ADCY7: variants seen among roughly 807,000 people sequenced by gnomAD.
ADCY7 encodes adenylate cyclase type 7.
In ADCY7, 72 loss-of-function variants were observed where a neutral mutation model predicts 120.6. The observed-to-expected ratio is 0.60, with a 90% CI of 0.49 to 0.73. The LOEUF (loss-of-function observed/expected upper bound fraction) is 0.73. Ranked by LOEUF, ADCY7 falls within the 30% of genes least tolerant of loss-of-function variation. The probability of loss-of-function intolerance (pLI) is 0.00; values close to 1 mark genes in which losing one functional copy is unlikely to be tolerated. For missense variants in ADCY7, 1,227 were observed against 1,486.0 expected, an observed-to-expected ratio of 0.83 and a Z score of 2.87; for synonymous variants, 661 against 628.0, an observed-to-expected ratio of 1.05 and a Z score of -0.78.
At chr16:50,245,158 A>G (rs182972800), upstream of ADCY7, among the ~76,000 whole-genome samples, 7 of 152,332 alleles carry the variant, frequency 4.6e-5, no homozygotes, top group East Asian at 1.4e-3. Flanking sequence ...ATAGGTTCCC[A>G]GTAGATCAGC....
intron 1 of ADCY7, among the ~76,000 whole-genome samples, chr16:50,252,009 C>G (rs2032772405): frequency 6.6e-6 from 1 of 152,254 alleles, no homozygotes; most frequent in African/African-American, 2.4e-5. Context: ...TCTCCTGTCA[C>G]AGTCCCAGGC....
upstream of ADCY7, among the ~76,000 whole-genome samples, chr16:50,245,953 C>G (rs1423907979): frequency 5.1e-3 from 34 of 6,732 alleles, no homozygotes; most frequent in African/African-American, 9.1e-3. Flanking sequence ...TCTAGGGGAG[C>G]TGGGGTGGGG....
In ADCY7 at chr16:50,317,635, A is replaced by G. The variant is rs12918980; in HGVS notation, c.*2130A>G. ...CTCAGATAATAATAGTTTGTAAGTA[A>G]AAGTTTTTAGTTTTCAGTGTTCAGG... On this transcript the variant is annotated 3_prime_UTR_variant, in exon 26 of 26. Transcript: ENST00000673801. 0.041 allele frequency: 6,230 copies of G among 152,468 alleles called. 207 individuals are homozygous for G. Among genetic ancestry groups the G allele is most frequent in the South Asian group, 0.1 (496 of 4,826 alleles). The allele number at this position is 152,468 out of a possible 1,614,324, so 9.4% of individuals were successfully genotyped here. A position where few individuals can be genotyped will look rare whatever the true frequency, so the allele number is the denominator to read the frequency against.
At chr16:50,298,603 G>T (rs2035509217) in intron 7 of ADCY7, among the ~76,000 whole-genome samples, 1 of 152,192 alleles carries the variant, frequency 6.6e-6, no homozygotes, top group Non-Finnish European at 1.5e-5. Context: ...CCTGGGGCCG[G>T]GTACTCAGTA....
chr16:50,309,969 G>A (rs2036343490), intron 18 of ADCY7, among the ~76,000 whole-genome samples: 2 of 152,176 alleles, frequency 1.3e-5, no homozygotes, highest in South Asian at 2.1e-4. Flanking sequence ...TTTTATACAC[G>A]AGTATGCACA....
intron 1 of ADCY7, among the ~76,000 whole-genome samples, chr16:50,249,267 C>G (rs950165476): frequency 3.3e-5 from 5 of 152,160 alleles, no homozygotes; most frequent in East Asian, 1.9e-4. Context: ...TGATGAAACC[C>G]CGTCTCTACT....
At chr16:50,250,112 A>G (rs1358192419) in intron 1 of ADCY7, among the ~76,000 whole-genome samples, 1 of 152,144 alleles carries the variant, frequency 6.6e-6, no homozygotes, top group Non-Finnish European at 1.5e-5. Flanking sequence ...GCTTATCTCA[A>G]AGGCCAAGGA....
intron 2 of ADCY7, 47 bp from the exon 3 acceptor site, chr16:50,290,410 C>G: frequency 6.2e-7 from 1 of 1,608,142 alleles, no homozygotes; most frequent in South Asian, 1.1e-5. Flanking sequence ...GGAGGTGGCT[C>G]TGCACTGGGG....
chr16:50,292,960 C>G, intron 5 of ADCY7, 135 bp downstream of exon 5: 1 of 1,176,938 alleles, frequency 8.5e-7, no homozygotes, highest in South Asian at 1.4e-5. Context: ...TCGGTGAGTC[C>G]TGGGCTCCAG....
chr16:50,246,432 A>ACCG (rs2032589569), intron 1 of ADCY7, among the ~76,000 whole-genome samples: 1 of 151,754 alleles, frequency 6.6e-6, no homozygotes, highest in Non-Finnish European at 1.5e-5. Flanking sequence ...CTCCTCCCTT[A>ACCG]GGCACGGCCA....
chr16:50,293,759 G>A (rs2035158184), intron 6 of ADCY7, among the ~76,000 whole-genome samples: 1 of 152,204 alleles, frequency 6.6e-6, no homozygotes, highest in Admixed American at 6.5e-5. Flanking sequence ...CCCCAAAACT[G>A]TAAAACTGTG....
intron 7 of ADCY7, 50 bp from the exon 8 acceptor site, chr16:50,298,854 G>A (rs1255051065): frequency 6.3e-7 from 1 of 1,580,644 alleles, no homozygotes. Context: ...TGTCGTGAGA[G>A]GTCCCAGCCC....
chr16:50,257,758 T>C (rs2032955721), intron 1 of ADCY7, among the ~76,000 whole-genome samples: 1 of 151,524 alleles, frequency 6.6e-6, no homozygotes, highest in Non-Finnish European at 1.5e-5. Context: ...TTTTTTTTTC[T>C]TTTTTTGAGA....
chr16:50,314,037 G>T lies in ADCY7; in HGVS notation c.2831G>T (p.Ser944Ile), dbSNP rs1371401240. Residue 944 changes from serine (S) to isoleucine (I), a missense_variant, in exon 23 of 26, where the codon AGC becomes ATC. Transcript: ENST00000673801. ...ACGTACATGGCAGCTGCAGGGCTCA[G>T]CGTCGCCTCAGGGCACGAGAACCAG... ...GSTYMAAAGL[S>I]VASGHENQEL... The T allele has an allele frequency of 2.5e-6, 4 of 1,614,034 alleles. No individual in the cohort carries two copies. The highest frequency in any genetic ancestry group is 3.4e-6 in the Non-Finnish European group (4 of 1,179,992).
At position 50,317,196 on chromosome 16, in the gene ADCY7, A is replaced by ATAAG. The variant is rs752928261; in HGVS notation, c.*1693_*1696dup. 5.2e-5 allele frequency: 8 copies of ATAAG among 152,442 alleles called. No individual in the cohort carries two copies. Among genetic ancestry groups the ATAAG allele is most frequent in the Non-Finnish European group, 2.9e-5 (2 of 68,050 alleles). 9.4% of individuals were successfully genotyped at this position (152,442 alleles called of 1,614,324 possible). On this transcript the variant is annotated 3_prime_UTR_variant, in exon 26 of 26. Coordinates refer to ENST00000673801, the MANE Select transcript of ADCY7 (RefSeq NM_001114.5). Reference sequence around the variant, plus strand: ...TAGTGGCAGCTCTCATGTGCTGCACATAAGTGGAATCAGTATGAATAGAAG... The same window carrying ATAAG: ...TAGTGGCAGCTCTCATGTGCTGCACATAAGTAAGTGGAATCAGTATGAATAGAAG...
intron 1 of ADCY7, among the ~76,000 whole-genome samples, chr16:50,273,147 C>A (rs2033676764): frequency 6.6e-6 from 1 of 152,142 alleles, no homozygotes; most frequent in African/African-American, 2.4e-5. Context: ...CTGGGGTGGC[C>A]CTGGGTGATG....
rs575106713 is a variant in ADCY7 at position 50,300,939 on chromosome 16, G to A, written c.1235+66G>A. 1.5e-4 allele frequency: 236 copies of A among 1,540,934 alleles called. 4 individuals carry two copies. In the South Asian group the frequency reaches 2.2e-3, roughly 15 times the overall value. ...GCTGGCTGTGGATGGAGGGTTCTGC[G>A]GTTGGGGGTGGGGGTCAGGTGTGGA... On this transcript the variant is annotated intron_variant, in intron 9 of 25. Transcript: ENST00000673801.
chr16:50,250,861 T>C (rs2032737833), intron 1 of ADCY7, among the ~76,000 whole-genome samples: 1 of 152,140 alleles, frequency 6.6e-6, no homozygotes, highest in East Asian at 1.9e-4. Context: ...AATAGGCAAA[T>C]CTGGATTAAA....
chr16:50,315,303 A>G, intron 25 of ADCY7, 56 bp from the exon 26 acceptor site: 2 of 1,584,804 alleles, frequency 1.3e-6, no homozygotes, highest in East Asian at 4.5e-5. Flanking sequence ...ATCTGTCCCT[A>G]CCATGACAGG....
Sources: gnomAD v4.1 joint callset for allele counts (sites outside exome capture counted in the v4.1 genomes callset) on GRCh38, gnomAD v4.1.1 for gene constraint, MANE v1.5 for transcripts, NCBI Gene and HGNC (gene_info 2026-07-23, HGNC 2026-07-21) for gene names.